ENTREP2: variants seen among roughly 807,000 people sequenced by gnomAD.
ENTREP2 encodes endosomal transmembrane epsin interactor 2, also known as protein ENTREP2.
chr15:29,169,044 A>G, the ENTREP2 span, among the ~76,000 whole-genome samples: 1 of 152,216 alleles, frequency 6.6e-6, no homozygotes, highest in Non-Finnish European at 1.5e-5. Flanking sequence ...CATTTTTCTG[A>G]TATTCAAGGC....
the ENTREP2 span, among the ~76,000 whole-genome samples, chr15:29,442,948 T>G: frequency 6.6e-6 from 1 of 152,264 alleles, no homozygotes; most frequent in Admixed American, 6.5e-5. Flanking sequence ...GGGCACAGCC[T>G]CAGTCCTCAC....
the ENTREP2 span, among the ~76,000 whole-genome samples, chr15:29,523,815 G>A: frequency 1.3e-5 from 2 of 151,722 alleles, no homozygotes; most frequent in Non-Finnish European, 2.9e-5. Flanking sequence ...AATGGTGCTG[G>A]GACAACTAGA....
the ENTREP2 span, among the ~76,000 whole-genome samples, chr15:29,343,079 G>A: frequency 3.3e-5 from 5 of 150,672 alleles, no homozygotes; most frequent in Non-Finnish European, 5.9e-5. Context: ...AATGCATTGT[G>A]AAGTGGAAAA....
the ENTREP2 span, among the ~76,000 whole-genome samples, chr15:29,139,570 C>T: frequency 2.6e-5 from 4 of 152,210 alleles, no homozygotes; most frequent in South Asian, 8.3e-4. Flanking sequence ...CAATTCAAGG[C>T]ACCATTCCAC....
chr15:29,264,978 CAA>C, the ENTREP2 span: 522 of 151,950 alleles, frequency 3.4e-3, 2 homozygotes, highest in African/African-American at 0.012. Context: ...TTATATGCCC[CAA>C]AAAACAAATT....
At chr15:29,651,942 C>T in the ENTREP2 span, among the ~76,000 whole-genome samples, 1 of 152,166 alleles carries the variant, frequency 6.6e-6, no homozygotes, top group African/African-American at 2.4e-5. Context: ...CACCTTCTGG[C>T]TGGAGAAGAT....
At chr15:29,667,682 G>C in the ENTREP2 span, among the ~76,000 whole-genome samples, 2 of 151,942 alleles carry the variant, frequency 1.3e-5, no homozygotes, top group South Asian at 4.2e-4. Context: ...TTTAAGTAGA[G>C]ACAAGGTTTC....
the ENTREP2 span, among the ~76,000 whole-genome samples, chr15:29,581,326 A>G: frequency 6.6e-6 from 1 of 152,190 alleles, no homozygotes; most frequent in Non-Finnish European, 1.5e-5. Context: ...AATAAGAAAT[A>G]CAATAACATC....
the ENTREP2 span, among the ~76,000 whole-genome samples, chr15:29,163,268 C>T: frequency 2.6e-5 from 4 of 152,078 alleles, no homozygotes; most frequent in Non-Finnish European, 5.9e-5. Context: ...ACAGCACCCC[C>T]CAAAATCACA....
the ENTREP2 span, among the ~76,000 whole-genome samples, chr15:29,182,643 T>C: frequency 6.6e-6 from 1 of 151,708 alleles, no homozygotes; most frequent in African/African-American, 2.4e-5. Flanking sequence ...TGTGTGTGTA[T>C]ATATGAGAAA....
chr15:29,205,365 TTC>T, the ENTREP2 span, among the ~76,000 whole-genome samples: 3 of 152,306 alleles, frequency 2.0e-5, no homozygotes, highest in Non-Finnish European at 4.4e-5. Flanking sequence ...CATGTGGCAA[TTC>T]TCTGTTTAAT....
the ENTREP2 span, among the ~76,000 whole-genome samples, chr15:29,511,505 T>TA: frequency 3.3e-5 from 5 of 150,138 alleles, no homozygotes; most frequent in African/African-American, 9.8e-5. Flanking sequence ...ATTTTTTTTT[T>TA]TATTTTTTGT....
At chr15:29,635,334 T>C in the ENTREP2 span, among the ~76,000 whole-genome samples, 1 of 152,208 alleles carries the variant, frequency 6.6e-6, no homozygotes, top group African/African-American at 2.4e-5. Context: ...CAAAAAGACA[T>C]CACTGTGTAG....
chr15:29,639,916 G>A, the ENTREP2 span, among the ~76,000 whole-genome samples: 2 of 151,736 alleles, frequency 1.3e-5, no homozygotes, highest in Admixed American at 6.6e-5. Flanking sequence ...TTACAGGTGC[G>A]CACCACCACG....
chr15:29,660,992 A>C, the ENTREP2 span, among the ~76,000 whole-genome samples: 1 of 152,208 alleles, frequency 6.6e-6, no homozygotes, highest in Admixed American at 6.5e-5. Flanking sequence ...ACCAAGGGAC[A>C]ACTCTATAAT....
chr15:29,362,048 G>T, the ENTREP2 span, among the ~76,000 whole-genome samples: 1 of 152,226 alleles, frequency 6.6e-6, no homozygotes, highest in African/African-American at 2.4e-5. Context: ...CAGCCATAAA[G>T]AAACACACAG....
the ENTREP2 span, among the ~76,000 whole-genome samples, chr15:29,357,296 G>C: frequency 1.3e-4 from 20 of 152,072 alleles, no homozygotes; most frequent in African/African-American, 4.8e-4. Context: ...CTTAATAAAA[G>C]ATAATCACAT....
chr15:29,514,426 T>C, the ENTREP2 span, among the ~76,000 whole-genome samples: 1 of 152,230 alleles, frequency 6.6e-6, no homozygotes, highest in South Asian at 2.1e-4. Context: ...CCACTGTGTA[T>C]ACAGACCACA....
the ENTREP2 span, among the ~76,000 whole-genome samples, chr15:29,142,327 G>A: frequency 2.1e-4 from 32 of 152,328 alleles, no homozygotes; most frequent in African/African-American, 7.7e-4. Context: ...CATATCTGAC[G>A]TCAAAGAAAA....
Sources: gnomAD v4.1 joint callset for allele counts (sites outside exome capture counted in the v4.1 genomes callset) on GRCh38, gnomAD v4.1.1 for gene constraint, MANE v1.5 for transcripts, NCBI Gene and HGNC (gene_info 2026-07-23, HGNC 2026-07-21) for gene names.